The following TTC28 variants were observed in gnomAD, a reference collection of about 807,000 sequenced individuals.
The protein encoded by TTC28 is tetratricopeptide repeat protein 28.
A neutral mutation model predicts 198.0 loss-of-function variants in TTC28; 61 were observed. The ratio of observed to expected loss-of-function variants is 0.31; its 90% CI spans 0.25 to 0.38. The LOEUF (loss-of-function observed/expected upper bound fraction) is 0.38. Ranked by LOEUF, TTC28 falls within the 10% of genes least tolerant of loss-of-function variation. The probability of loss-of-function intolerance (pLI) is 1.00; values close to 1 mark genes in which losing one functional copy is unlikely to be tolerated. For missense variants in TTC28, 2,678 were observed against 3,164.0 expected (o/e 0.85, Z 3.69); for synonymous variants, 1,171 against 1,297.8 (o/e 0.90, Z 2.10).
At chr22:28,049,302 C>A (rs940705170) in intron 12 of TTC28, among the ~76,000 whole-genome samples, 2 of 152,158 alleles carry the variant, frequency 1.3e-5, no homozygotes, top group African/African-American at 2.4e-5. Context: ...TCTATCCCCT[C>A]CCAAGGAGAA....
intron 2 of TTC28, among the ~76,000 whole-genome samples, chr22:28,522,358 A>C (rs1245750777): frequency 1.3e-5 from 2 of 151,264 alleles, no homozygotes; most frequent in African/African-American, 2.4e-5. Context: ...CGTGGTGGCA[A>C]GCACCTGTAA....
Position 28,195,810 on chromosome 22 carries a change from T to C in TTC28, c.934-32211A>G, listed in dbSNP as rs1031712253. 1.5e-3 allele frequency among the ~76,000 whole-genome samples: 227 copies of C among 146,930 alleles called. 4 individuals are homozygous for C. Among genetic ancestry groups the C allele is most frequent in the South Asian group, 9.6e-3 (42 of 4,392 alleles). On this transcript the variant is annotated intron_variant, in intron 5 of 22. Coordinates refer to ENST00000397906, the MANE Select transcript of TTC28 (RefSeq NM_001145418.2). ...GAGGTCACAAACAAATGGAAGAACATTCCATGCTCCGGGATAGGAAGAATC... is the reference window on the plus strand; with the variant it reads ...GAGGTCACAAACAAATGGAAGAACACTCCATGCTCCGGGATAGGAAGAATC...
At chr22:28,325,754 T>C (rs1294178562) in intron 2 of TTC28, among the ~76,000 whole-genome samples, 2 of 152,114 alleles carry the variant, frequency 1.3e-5, no homozygotes, top group African/African-American at 4.8e-5. Flanking sequence ...TCAAAATCAT[T>C]AGCCATTAAG....
chr22:28,097,189 T>C (rs765440823), intron 10 of TTC28, among the ~76,000 whole-genome samples: 10 of 152,176 alleles, frequency 6.6e-5, no homozygotes, highest in Non-Finnish European at 1.5e-4. Context: ...TGCCAGTCCC[T>C]CTCCTGGGCG....
intron 2 of TTC28, among the ~76,000 whole-genome samples, chr22:28,520,119 T>C (rs2048873811): frequency 6.6e-6 from 1 of 152,130 alleles, no homozygotes; most frequent in African/African-American, 2.4e-5. Context: ...AAATACTAGA[T>C]GTGGTCTCAT....
At position 28,135,684 on chromosome 22, in the gene TTC28, T is replaced by C. The variant is rs527885309; in HGVS notation, c.1442-27281A>G. 3.2e-4 allele frequency among the ~76,000 whole-genome samples: 48 copies of C among 152,276 alleles called. 1 individual carries two copies. Among genetic ancestry groups the C allele is most frequent in the African/African-American group, 1.1e-3 (47 of 41,548 alleles). On this transcript the variant is annotated intron_variant, in intron 6 of 22. Coordinates refer to ENST00000397906, the MANE Select transcript of TTC28 (RefSeq NM_001145418.2). ...TAAATAGAAGTTGAGGAAGTAGAAC[T>C]TTGTAAAAGAGTACCTAAGAGAAGC... is the stretch of plus-strand genomic sequence containing the variant.
At chr22:28,263,338 TA>T (rs1311494288) in intron 5 of TTC28, among the ~76,000 whole-genome samples, 1 of 152,268 alleles carries the variant, frequency 6.6e-6, no homozygotes, top group South Asian at 2.1e-4. Context: ...CTCAACTTTT[TA>T]AAAACAGTAA....
intron 2 of TTC28, among the ~76,000 whole-genome samples, chr22:28,328,023 T>C (rs754021018): frequency 6.6e-6 from 1 of 152,030 alleles, no homozygotes; most frequent in Non-Finnish European, 1.5e-5. Context: ...CAATATCTAG[T>C]GCAAGAGACA....
Position 28,609,482 on chromosome 22 carries a change from G to A in TTC28, c.381+20070C>T, listed in dbSNP as rs575056762. 2.2e-4 allele frequency among the ~76,000 whole-genome samples: 34 copies of A among 152,256 alleles called. 1 individual carries two copies. Among genetic ancestry groups the A allele is most frequent in the Non-Finnish European group, 3.2e-4 (22 of 68,016 alleles). ...CCTTACCCGGGAAGCACAAGGGGTCGGGGAATTCCCTGCCCTAGCCAAGAG... is the reference window on the plus strand; with the variant it reads ...CCTTACCCGGGAAGCACAAGGGGTCAGGGAATTCCCTGCCCTAGCCAAGAG... On this transcript the variant is annotated intron_variant, in intron 2 of 22. Coordinates refer to ENST00000397906, the MANE Select transcript of TTC28 (RefSeq NM_001145418.2).
At chr22:28,673,635 AATC>A (rs2051926730) in intron 1 of TTC28, among the ~76,000 whole-genome samples, 1 of 152,228 alleles carries the variant, frequency 6.6e-6, no homozygotes, top group South Asian at 2.1e-4. Flanking sequence ...CTCTAATGTC[AATC>A]ATCATAAAAT....
intron 5 of TTC28, among the ~76,000 whole-genome samples, chr22:28,201,142 T>C (rs1925899471): frequency 1.3e-5 from 2 of 152,040 alleles, no homozygotes; most frequent in South Asian, 2.1e-4. Context: ...AGAACACACA[T>C]TGAGAAAAGT....
At chr22:28,244,649 AC>A (rs1396807706) in intron 5 of TTC28, among the ~76,000 whole-genome samples, 1 of 152,222 alleles carries the variant, frequency 6.6e-6, no homozygotes, top group Non-Finnish European at 1.5e-5. Context: ...TTCCTCGAGT[AC>A]TAAACGGCTG....
intron 6 of TTC28, among the ~76,000 whole-genome samples, chr22:28,156,122 C>A (rs1943743767): frequency 6.6e-6 from 1 of 152,136 alleles, no homozygotes; most frequent in Non-Finnish European, 1.5e-5. Flanking sequence ...TAATGACATC[C>A]CCTGCAATGT....
intron 2 of TTC28, among the ~76,000 whole-genome samples, chr22:28,474,101 T>G (rs2048131748): frequency 2.0e-5 from 3 of 152,198 alleles, no homozygotes; most frequent in Admixed American, 6.5e-5. Flanking sequence ...AATTTAGATC[T>G]TCTCTCTTCC....
intron 8 of TTC28, among the ~76,000 whole-genome samples, chr22:28,101,573 C>G (rs12159498): frequency 6.6e-6 from 1 of 151,942 alleles, no homozygotes; most frequent in Non-Finnish European, 1.5e-5. Flanking sequence ...GTTGCCCAGG[C>G]TGGTCTCCAG....
intron 2 of TTC28, among the ~76,000 whole-genome samples, chr22:28,455,991 C>G (rs541309123): frequency 1.3e-5 from 2 of 151,898 alleles, no homozygotes; most frequent in South Asian, 4.2e-4. Flanking sequence ...AACCCCATCT[C>G]TACTAAAAAT....
chr22:28,466,687 C>T (rs905691044), intron 2 of TTC28, among the ~76,000 whole-genome samples: 2 of 152,048 alleles, frequency 1.3e-5, no homozygotes, highest in Non-Finnish European at 2.9e-5. Flanking sequence ...GGGTCAACAC[C>T]CGCGTCTTAT....
rs1037907675 is a variant in TTC28 at position 28,369,031 on chromosome 22, G to GA, written c.382-62389dup. On this transcript the variant is annotated intron_variant, in intron 2 of 22. Coordinates refer to ENST00000397906, the MANE Select transcript of TTC28 (RefSeq NM_001145418.2). The stretch of plus-strand genomic sequence containing the variant: ...ACCAATGGCATTCTTCACAGAAGTA[G>GA]AAAAAAAAATCCTAAAATACCAATG... 2.5e-4 allele frequency among the ~76,000 whole-genome samples: 37 copies of GA among 150,908 alleles called. No homozygotes were observed. The East Asian group carries it at 4.1e-3, about 17-fold the overall frequency.
intron 2 of TTC28, among the ~76,000 whole-genome samples, chr22:28,564,925 A>C (rs2049947630): frequency 6.7e-6 from 1 of 148,988 alleles, no homozygotes; most frequent in South Asian, 2.1e-4. Flanking sequence ...TAAATTATAT[A>C]ATTCCAATGC....
Sources: allele counts gnomAD v4.1 joint callset (sites outside exome capture counted in the v4.1 genomes callset), GRCh38; gene constraint gnomAD v4.1.1; transcripts MANE v1.5; gene names NCBI Gene and HGNC (gene_info 2026-07-23, HGNC 2026-07-21).